EYA4: variants seen among roughly 807,000 people sequenced by gnomAD.
EYA4 encodes the protein protein phosphatase EYA4.
In EYA4, 31 loss-of-function variants were observed where a neutral mutation model predicts 87.9. That is an observed-to-expected ratio of 0.35 (90% CI 0.27 to 0.48). The LOEUF is 0.48. Among genes scored for constraint, EYA4 ranks in the 20% least tolerant of loss-of-function variants. EYA4 has a pLI of 0.99. For synonymous variants in EYA4, 263 were observed against 270.6 expected, an observed-to-expected ratio of 0.97 and a Z score of 0.28; for missense variants, 678 against 761.4, an observed-to-expected ratio of 0.89 and a Z score of 1.29.
intron 13 of EYA4, among the ~76,000 whole-genome samples, chr6:133,492,059 C>T (rs1402407130): frequency 6.6e-6 from 1 of 151,830 alleles, no homozygotes; most frequent in East Asian, 1.9e-4. Flanking sequence ...GCAACCCTGC[C>T]CAAACTATTC....
intron 11 of EYA4, among the ~76,000 whole-genome samples, chr6:133,469,372 AG>A (rs1795132429): frequency 6.6e-6 from 1 of 152,194 alleles, no homozygotes; most frequent in East Asian, 1.9e-4. Context: ...TAAAATCACA[AG>A]GAAAGGTGGA....
At position 133,445,364 on chromosome 6, in the gene EYA4, A is replaced by T. The variant is rs1037798494; in HGVS notation, c.84-1266A>T. Among the ~76,000 whole-genome samples the T allele has an allele frequency of 2.0e-5, 3 of 152,146 alleles. No individual in the cohort carries two copies. The East Asian group carries it at 5.8e-4, about 29-fold the overall frequency. ...TATATTTACCTATATATTTACATTT[A>T]TGTTATTCTTAATTCTTTCCTGTAG... On this transcript the variant is annotated intron_variant, in intron 3 of 19. Coordinates refer to ENST00000355286, the MANE Select transcript of EYA4 (RefSeq NM_004100.5).
chr6:133,273,713 C>G (rs1259073872), intron 1 of EYA4, among the ~76,000 whole-genome samples: 1 of 152,034 alleles, frequency 6.6e-6, no homozygotes, highest in Non-Finnish European at 1.5e-5. Flanking sequence ...TGTACCATTG[C>G]AATTTTAAAT....
intron 2 of EYA4, among the ~76,000 whole-genome samples, chr6:133,296,159 G>T (rs1778929267): frequency 6.6e-6 from 1 of 152,162 alleles, no homozygotes; most frequent in Non-Finnish European, 1.5e-5. Flanking sequence ...CTCATGCAGT[G>T]CTCCTCAAGT....
chr6:133,257,473 T>C (rs1036661977), intron 1 of EYA4, among the ~76,000 whole-genome samples: 1 of 152,206 alleles, frequency 6.6e-6, no homozygotes, highest in African/African-American at 2.4e-5. Context: ...ATGACTGATA[T>C]TTATTTCTTG....
chr6:133,358,494 G>A (rs1411827806), intron 2 of EYA4, among the ~76,000 whole-genome samples: 9 of 152,242 alleles, frequency 5.9e-5, no homozygotes, highest in East Asian at 1.9e-4. Flanking sequence ...AGGAATCATC[G>A]AATGTAGTTG....
chr6:133,356,213 A>T (rs749069082), intron 2 of EYA4, among the ~76,000 whole-genome samples: 1 of 152,160 alleles, frequency 6.6e-6, no homozygotes, highest in Non-Finnish European at 1.5e-5. Context: ...ATAATCTCAC[A>T]TTGGAAGTTA....
rs372606574 is a variant in EYA4, at chr6:133,502,000, C to T, written c.1192-4106C>T. 9.9e-5 allele frequency among the ~76,000 whole-genome samples: 15 copies of T among 152,278 alleles called. No homozygotes were observed. The East Asian group carries it at 1.2e-3, about 12-fold the overall frequency. ...ACTGGCAACATCTGGCTTAGAACCA[C>T]ACATTTAAAGGCCAAGAGCTATTTA... is the stretch of plus-strand genomic sequence containing the variant. On this transcript the variant is annotated intron_variant, in intron 13 of 19. Transcript: ENST00000355286.
chr6:133,437,225 T>C lies in EYA4; in HGVS notation c.84-9405T>C, dbSNP rs1167572637. On this transcript the variant is annotated intron_variant, in intron 3 of 19. Coordinates refer to ENST00000355286, the MANE Select transcript of EYA4 (RefSeq NM_004100.5). ...CTACCTTTAAATATTATGAGCAGTG[T>C]ACATTTGGCAGAGCAGATCCTTATA... Among the ~76,000 whole-genome samples, 7 of 152,330 alleles carry C rather than the reference T, an allele frequency of 4.6e-5. No individual in the cohort carries two copies. The South Asian group carries it at 1.2e-3, about 27-fold the overall frequency.
intron 11 of EYA4, among the ~76,000 whole-genome samples, chr6:133,469,723 A>G (rs1795164423): frequency 6.6e-6 from 1 of 152,016 alleles, no homozygotes; most frequent in Non-Finnish European, 1.5e-5. Flanking sequence ...CTAAAAAGCT[A>G]AAACTATAAA....
chr6:133,345,375 G>A (rs371669270), intron 2 of EYA4, among the ~76,000 whole-genome samples: 2 of 152,062 alleles, frequency 1.3e-5, no homozygotes, highest in Non-Finnish European at 2.9e-5. Flanking sequence ...CTTTTATGAG[G>A]AGTATGCGTA....
intron 2 of EYA4, among the ~76,000 whole-genome samples, chr6:133,364,505 T>C (rs549188689): frequency 6.6e-6 from 1 of 152,306 alleles, no homozygotes; most frequent in Admixed American, 6.5e-5. Flanking sequence ...CATCACAGAC[T>C]TGGGGCTCCT....
At chr6:133,457,660 G>A (rs1291450335) in intron 6 of EYA4, among the ~76,000 whole-genome samples, 3 of 152,050 alleles carry the variant, frequency 2.0e-5, no homozygotes, top group Non-Finnish European at 4.4e-5. Context: ...AGAAATAATA[G>A]TACATAAACT....
intron 5 of EYA4, among the ~76,000 whole-genome samples, chr6:133,453,267 T>A (rs1054996825): frequency 1.3e-5 from 2 of 152,046 alleles, no homozygotes; most frequent in African/African-American, 4.8e-5. Context: ...TAGAAAAGTA[T>A]ATAGTAGGTG....
chr6:133,526,954 A>G (rs1800689638), intron 19 of EYA4, among the ~76,000 whole-genome samples: 1 of 152,190 alleles, frequency 6.6e-6, no homozygotes, highest in Non-Finnish European at 1.5e-5. Flanking sequence ...CAGTAACACA[A>G]TATGCTTTTG....
chr6:133,290,490 T>G (rs903205261), intron 2 of EYA4, among the ~76,000 whole-genome samples: 2 of 152,224 alleles, frequency 1.3e-5, no homozygotes, highest in Non-Finnish European at 1.5e-5. Context: ...CTATATTTAT[T>G]TTTCAATCTG....
intron 13 of EYA4, among the ~76,000 whole-genome samples, chr6:133,485,241 GT>G (rs1326476397): frequency 1.3e-5 from 2 of 151,724 alleles, no homozygotes; most frequent in Non-Finnish European, 2.9e-5. Context: ...TCCCTAAAAG[GT>G]TTTTTTTCAA....
In EYA4 at chr6:133,530,308, G is replaced by C. The variant is rs531393207; in HGVS notation, c.*1503G>C. On this transcript the variant is annotated 3_prime_UTR_variant, in exon 20 of 20. Coordinates refer to ENST00000355286, the MANE Select transcript of EYA4 (RefSeq NM_004100.5). ...GCGCAACGGATGGCATTCATTACAA[G>C]AAGAGCCCATCATCGTTGTGTTTGC... is the stretch of plus-strand genomic sequence containing the variant. The C allele has an allele frequency of 3.0e-6, 3 of 985,336 alleles. No homozygotes were observed. In the African/African-American group the frequency reaches 5.2e-5, roughly 17 times the overall value. The allele number at this position is 985,336 out of a possible 1,614,324, so 61.0% of individuals were successfully genotyped here. A position where few individuals can be genotyped will look rare whatever the true frequency, so the allele number is the denominator to read the frequency against.
chr6:133,439,079 CT>C (rs1792011808), intron 3 of EYA4, among the ~76,000 whole-genome samples: 1 of 106,374 alleles, frequency 9.4e-6, no homozygotes, highest in Non-Finnish European at 2.0e-5. Flanking sequence ...AAAAAAAAGT[CT>C]TTGGGTTGGG....
Sources: gnomAD v4.1 joint callset for allele counts (sites outside exome capture counted in the v4.1 genomes callset) on GRCh38, gnomAD v4.1.1 for gene constraint, MANE v1.5 for transcripts, NCBI Gene and HGNC (gene_info 2026-07-23, HGNC 2026-07-21) for gene names.